Variants in ZNF516 observed in about 807,000 individuals in gnomAD.
The protein encoded by ZNF516 is zinc finger protein 516.
A neutral mutation model predicts 79.7 loss-of-function variants in ZNF516; 19 were observed. That is an observed-to-expected ratio of 0.24 (90% CI 0.17 to 0.35). ZNF516 has a LOEUF of 0.35. ZNF516 is among the 10% of genes least tolerant of loss of function. The pLI is 1.00. For missense variants in ZNF516, 1,678 were observed against 1,679.5 expected, an observed-to-expected ratio of 1.00 and a Z score of 0.02; for synonymous variants, 877 against 739.5, an observed-to-expected ratio of 1.19 and a Z score of -3.02.
Position 76,442,386 on chromosome 18 carries a change from G to A in ZNF516, c.669C>T (p.His223=). The A allele has an allele frequency of 6.2e-7, 1 of 1,608,842 alleles. No homozygotes were observed. Among genetic ancestry groups the A allele is most frequent in the East Asian group, 2.2e-5 (1 of 44,862 alleles). ...CGCTGCCGGGCCCCTGCGCGGTGAT[G>A]TGGTCCCTCTCGATGTGGCTCAGCA... ...ESLLSHIERD[H]ITAQGPGSGE... is the part of the protein sequence containing the mutation. The change falls in exon 3 of 7, where the codon CAC becomes CAT. Residue 223 remains histidine (H), a synonymous_variant. Transcript: ENST00000443185.
At chr18:76,446,622 G>A (rs1912067309) in intron 2 of ZNF516, among the ~76,000 whole-genome samples, 1 of 152,216 alleles carries the variant, frequency 6.6e-6, no homozygotes, top group Non-Finnish European at 1.5e-5. Context: ...GGTGACTAGA[G>A]AATGCAGTCT....
chr18:76,397,410 C>A (rs2075162146), intron 3 of ZNF516, among the ~76,000 whole-genome samples: 1 of 152,082 alleles, frequency 6.6e-6, no homozygotes, highest in South Asian at 2.1e-4. Flanking sequence ...AATGCCAGGA[C>A]TAGAGCAACA....
At chr18:76,448,500 C>A (rs1337109902) in intron 2 of ZNF516, among the ~76,000 whole-genome samples, 1 of 152,222 alleles carries the variant, frequency 6.6e-6, no homozygotes, top group Non-Finnish European at 1.5e-5. Context: ...GTTAACCCCA[C>A]TGACACTACA....
intron 3 of ZNF516, among the ~76,000 whole-genome samples, chr18:76,383,035 C>CAAAAAAA (rs772423972): frequency 1.6e-4 from 8 of 49,800 alleles, no homozygotes; most frequent in African/African-American, 3.3e-4. Context: ...GACTCTGTCT[C>CAAAAAAA]AAAAAAAAAA....
chr18:76,413,776 T>C (rs2075399620), intron 3 of ZNF516, among the ~76,000 whole-genome samples: 1 of 152,308 alleles, frequency 6.6e-6, no homozygotes, highest in African/African-American at 2.4e-5. Context: ...CTTTAAATGA[T>C]GACGTAAAAG....
At chr18:76,471,362 G>A (rs1486931503) in intron 1 of ZNF516, among the ~76,000 whole-genome samples, 1 of 152,138 alleles carries the variant, frequency 6.6e-6, no homozygotes, top group African/African-American at 2.4e-5. Context: ...TCTAACACCT[G>A]GCAAGAGAGG....
At position 76,360,679 on chromosome 18, in the gene ZNF516, AAG is replaced by A. The variant is rs1473471223; in HGVS notation, c.*1817_*1818del. On this transcript the variant is annotated 3_prime_UTR_variant, in exon 7 of 7. Transcript: ENST00000443185. ...TATATATATATATATATATATATAT[AAG>A]CTAGCCAGTTACATTGCATCGTTTG... The A allele has an allele frequency of 7.6e-6, 1 of 130,778 alleles. No homozygotes were observed. Among genetic ancestry groups the A allele is most frequent in the Non-Finnish European group, 1.6e-5 (1 of 61,310 alleles). 8.1% of individuals were successfully genotyped at this position (130,778 alleles called of 1,614,324 possible).
intron 5 of ZNF516, 130 bp downstream of exon 5, chr18:76,371,337 G>T (rs947666411): frequency 6.8e-6 from 6 of 887,836 alleles, no homozygotes; most frequent in South Asian, 5.1e-5. Flanking sequence ...GGAGGCAGAT[G>T]GCAGGCCCCC....
intron 3 of ZNF516, among the ~76,000 whole-genome samples, chr18:76,407,481 G>A (rs1415904097): frequency 6.6e-6 from 1 of 152,140 alleles, no homozygotes; most frequent in Admixed American, 6.5e-5. Context: ...TTCAATGTCG[G>A]GACAGGGGCT....
At chr18:76,443,563 T>C (rs1397712405) in intron 2 of ZNF516, among the ~76,000 whole-genome samples, 1 of 151,880 alleles carries the variant, frequency 6.6e-6, no homozygotes, top group Non-Finnish European at 1.5e-5. Flanking sequence ...ATGTGGGAAT[T>C]AGGGACAGAG....
At chr18:76,486,313 T>C (rs1037371347) in intron 1 of ZNF516, among the ~76,000 whole-genome samples, 4 of 152,220 alleles carry the variant, frequency 2.6e-5, no homozygotes, top group African/African-American at 7.2e-5. Context: ...TGTCAGCTCA[T>C]GCAATATAGG....
At position 76,379,078 on chromosome 18, in the gene ZNF516, A is replaced by G; in HGVS notation, c.3036T>C (p.Thr1012=). 2 of 1,611,042 alleles carry G rather than the reference A, an allele frequency of 1.2e-6. No homozygotes were observed. Among genetic ancestry groups the G allele is most frequent in the South Asian group, 1.1e-5 (1 of 91,070 alleles). The part of the protein sequence containing the change: ...PPSKAAQELR[T]LATCAAGSRG... ...TGGACCCCGCAGCACAGGTGGCCAG[A>G]GTCCTCAGCTCCTGGGCTGCCTTCG... Residue 1012 remains threonine (T), a synonymous_variant, in exon 4 of 7, where the codon ACT becomes ACC. Transcript: ENST00000443185.
At chr18:76,424,647 G>A (rs1292283135) in intron 3 of ZNF516, among the ~76,000 whole-genome samples, 1 of 123,586 alleles carries the variant, frequency 8.1e-6, no homozygotes, top group African/African-American at 3.2e-5. Context: ...AACACACGCA[G>A]GTGAAAAGGT....
intron 2 of ZNF516, among the ~76,000 whole-genome samples, chr18:76,443,782 G>A (rs568754439): frequency 6.6e-6 from 1 of 152,316 alleles, no homozygotes; most frequent in South Asian, 2.1e-4. Flanking sequence ...ACACACACCC[G>A]CAAGATGGCA....
At position 76,406,614 on chromosome 18, in the gene ZNF516, C is replaced by T. The variant is rs376250996; in HGVS notation, c.1811-26311G>A. 1.5e-4 allele frequency among the ~76,000 whole-genome samples: 23 copies of T among 152,252 alleles called. No homozygotes were observed. The East Asian group carries it at 1.7e-3, about 12-fold the overall frequency. On this transcript the variant is annotated intron_variant, in intron 3 of 6. Coordinates refer to ENST00000443185, the MANE Select transcript of ZNF516 (RefSeq NM_014643.4). ...AAGAAACCATAAAGCCAGCGACAGC[C>T]GCGCTCCACATCTCCCCTAAATCTC... is the stretch of plus-strand genomic sequence containing the variant.
At chr18:76,488,021 C>T in intron 1 of ZNF516, 1 of 985,380 alleles carries the variant, frequency 1.0e-6, no homozygotes, top group Non-Finnish European at 1.2e-6. Flanking sequence ...ACCAAATAAT[C>T]ACTGCTGCAC....
chr18:76,389,808 G>A (rs2075045423), intron 3 of ZNF516, among the ~76,000 whole-genome samples: 1 of 152,166 alleles, frequency 6.6e-6, no homozygotes, highest in Admixed American at 6.5e-5. Flanking sequence ...CGCTTACACA[G>A]CCATCACTGC....
chr18:76,364,475 G>A (rs1053522430), intron 6 of ZNF516, among the ~76,000 whole-genome samples: 2 of 152,174 alleles, frequency 1.3e-5, no homozygotes, highest in East Asian at 1.9e-4. Context: ...AGAAGCTTTC[G>A]GAAGATTTCG....
At chr18:76,432,452 G>A (rs78133307) in intron 3 of ZNF516, among the ~76,000 whole-genome samples, 2,833 of 152,350 alleles carry the variant, frequency 0.019, 40 homozygotes, top group African/African-American at 0.038. Flanking sequence ...GGCCAGCACC[G>A]TCACTACCTG....
Sources: gnomAD v4.1 joint callset for allele counts (sites outside exome capture counted in the v4.1 genomes callset) on GRCh38, gnomAD v4.1.1 for gene constraint, MANE v1.5 for transcripts, NCBI Gene and HGNC (gene_info 2026-07-23, HGNC 2026-07-21) for gene names.